The following TRAPPC13 variants were observed in gnomAD, a reference collection of about 807,000 sequenced individuals.
TRAPPC13 encodes trafficking protein particle complex subunit 13.
Under a neutral mutation model 54.0 loss-of-function variants are expected in TRAPPC13, and 39 were observed. That is an observed-to-expected ratio of 0.72 (90% confidence interval 0.56 to 0.94). The LOEUF is 0.94. Among genes scored for constraint, TRAPPC13 ranks in the 40% least tolerant of loss-of-function variants. The pLI is 0.00. For missense variants in TRAPPC13, 386 were observed against 488.1 expected, an observed-to-expected ratio of 0.79 and a Z score of 1.97; for synonymous variants, 148 against 167.7, an observed-to-expected ratio of 0.88 and a Z score of 0.91.
At chr5:65,651,049 G>A (rs1033286341) in intron 6 of TRAPPC13, among the ~76,000 whole-genome samples, 167 bp downstream of exon 6, 2 of 152,124 alleles carry the variant, frequency 1.3e-5, no homozygotes, top group Admixed American at 6.5e-5. Context: ...CTAAATTAAG[G>A]TGAATAAAAG....
intron 4 of TRAPPC13, among the ~76,000 whole-genome samples, chr5:65,641,538 C>A (rs1755963971): frequency 6.6e-6 from 1 of 151,890 alleles, no homozygotes; most frequent in Non-Finnish European, 1.5e-5. Flanking sequence ...TGATCGATGT[C>A]CCTACAAAAA....
At chr5:65,632,740 G>A (rs1188188893) in intron 1 of TRAPPC13, among the ~76,000 whole-genome samples, 1 of 152,214 alleles carries the variant, frequency 6.6e-6, no homozygotes, top group Non-Finnish European at 1.5e-5. Context: ...CCTGGCGCTA[G>A]TAAATGCTCA....
chr5:65,656,737 C>G lies in TRAPPC13; in HGVS notation c.564+1084C>G, dbSNP rs572778759. On this transcript the variant is annotated intron_variant, in intron 8 of 12. Coordinates refer to ENST00000399438, the MANE Select transcript of TRAPPC13 (RefSeq NM_024941.4). The stretch of plus-strand genomic sequence containing the variant: ...CCTGGCCAACATGGTGAAACCTCAT[C>G]TCTATAAAAAATACAAAAATTAGCC... Among the ~76,000 whole-genome samples the G allele has an allele frequency of 2.0e-5, 3 of 151,870 alleles. No homozygotes were observed. In the East Asian group the frequency reaches 5.9e-4, roughly 30 times the overall value.
intron 1 of TRAPPC13, chr5:65,625,386 G>A (rs1218502910): frequency 2.4e-5 from 10 of 415,518 alleles, no homozygotes; most frequent in African/African-American, 4.1e-5. Flanking sequence ...CGCTCCTACC[G>A]TGGAGATCTC....
intron 1 of TRAPPC13, among the ~76,000 whole-genome samples, chr5:65,631,608 T>C (rs1755545552): frequency 6.6e-6 from 1 of 152,212 alleles, no homozygotes; most frequent in African/African-American, 2.4e-5. Context: ...CTCTCACTTA[T>C]GAGAATATGT....
At chr5:65,650,330 T>A (rs1756381360) in intron 5 of TRAPPC13, among the ~76,000 whole-genome samples, 1 of 151,694 alleles carries the variant, frequency 6.6e-6, no homozygotes, top group South Asian at 2.1e-4. Context: ...CCCAGCTAAT[T>A]TTTGTAATTT....
chr5:65,629,612 T>C, intron 1 of TRAPPC13: 1 of 1,534,510 alleles, frequency 6.5e-7, no homozygotes, highest in Non-Finnish European at 8.7e-7. Flanking sequence ...AATATTACAT[T>C]ATCGACCATG....
At chr5:65,651,885 T>C (rs1170090501) in intron 6 of TRAPPC13, among the ~76,000 whole-genome samples, 2 of 117,514 alleles carry the variant, frequency 1.7e-5, no homozygotes, top group Non-Finnish European at 3.4e-5. Context: ...TTTTTTGAGA[T>C]GGCGTTTCAC....
At position 65,634,039 on chromosome 5, in the gene TRAPPC13, A is replaced by G. The variant is rs536145425; in HGVS notation, c.47-1262A>G. The stretch of plus-strand genomic sequence containing the variant: ...CTTGCTCTGTCGCCCAGGCTGGAGT[A>G]CAGTGCCGCAATCTCGGCTCACTGC... On this transcript the variant is annotated intron_variant, in intron 1 of 12. Transcript: ENST00000399438. 1.5e-4 allele frequency among the ~76,000 whole-genome samples: 18 copies of G among 121,044 alleles called. No individual in the cohort carries two copies. In the South Asian group the frequency reaches 4.5e-3, roughly 30 times the overall value. The allele number at this position is 121,044 out of a possible 152,430, so 79.4% of individuals were successfully genotyped here.
At chr5:65,625,207 G>A (rs1755153338) in intron 1 of TRAPPC13, 101 bp downstream of exon 1, 2 of 1,013,208 alleles carry the variant, frequency 2.0e-6, no homozygotes, top group Non-Finnish European at 3.1e-6. Flanking sequence ...AACACTCAGT[G>A]CTCGCCCTCC....
chr5:65,664,451 G>C, intron 12 of TRAPPC13, 53 bp from the exon 13 acceptor site: 1 of 1,598,084 alleles, frequency 6.3e-7, no homozygotes. Flanking sequence ...TGTGATGTCT[G>C]TATTTCCTCT....
At chr5:65,643,528 TG>T (rs754268193) in intron 4 of TRAPPC13, among the ~76,000 whole-genome samples, 16 of 152,054 alleles carry the variant, frequency 1.1e-4, no homozygotes, top group Non-Finnish European at 1.8e-4. Flanking sequence ...TTATAAAGAC[TG>T]CTGTTTCGGC....
Position 65,633,415 on chromosome 5 carries a change from G to A in TRAPPC13, c.47-1886G>A, listed in dbSNP as rs1158790206. Among the ~76,000 whole-genome samples, 7 of 152,124 alleles carry A rather than the reference G, an allele frequency of 4.6e-5. No homozygotes were observed. The East Asian group carries it at 1.4e-3, about 29-fold the overall frequency. ...CTGCCTCAGCCTCTGCGAGTAGCTG[G>A]GACTACAGGCGCCCGCCACCATGCT... is the stretch of plus-strand genomic sequence containing the variant. On this transcript the variant is annotated intron_variant, in intron 1 of 12. Coordinates refer to ENST00000399438, the MANE Select transcript of TRAPPC13 (RefSeq NM_024941.4).
At position 65,660,727 on chromosome 5, in the gene TRAPPC13, T is replaced by A. The variant is rs1390879398; in HGVS notation, c.727T>A (p.Leu243Met). 1 of 1,611,206 alleles carries A rather than the reference T, an allele frequency of 6.2e-7. No individual in the cohort carries two copies. The highest frequency in any genetic ancestry group is 8.5e-7 in the Non-Finnish European group (1 of 1,178,642). The change falls in exon 10 of 13, where the codon TTG (leucine) becomes ATG (methionine). Residue 243 changes from leucine to methionine, a missense_variant. Leu to Met is a conservative substitution (Grantham distance 15). Coordinates refer to ENST00000399438, the MANE Select transcript of TRAPPC13 (RefSeq NM_024941.4). ...CVSTFGSRAY[L>M]QPMDTRQYLY... is the part of the protein sequence containing the mutation. ...GTCTACGTTTGGGTCAAGAGCATAT[T>A]TGCAACCAATGGATACACGCCAGTA...
intron 4 of TRAPPC13, among the ~76,000 whole-genome samples, chr5:65,639,866 A>T (rs981276391): frequency 2.6e-5 from 4 of 152,252 alleles, no homozygotes; most frequent in African/African-American, 9.6e-5. Context: ...AGAAGGTAAG[A>T]ACTCACAGTA....
chr5:65,659,891 A>G (rs777129875), intron 9 of TRAPPC13, among the ~76,000 whole-genome samples: 1 of 150,642 alleles, frequency 6.6e-6, no homozygotes, highest in African/African-American at 2.4e-5. Context: ...TGAGTCCACA[A>G]GTTCAAGGCT....
At chr5:65,656,549 G>A (rs1176269169) in intron 8 of TRAPPC13, among the ~76,000 whole-genome samples, 1 of 151,912 alleles carries the variant, frequency 6.6e-6, no homozygotes, top group Non-Finnish European at 1.5e-5. Flanking sequence ...TTAGATAATA[G>A]TACATTATAT....
At chr5:65,630,306 T>C in intron 1 of TRAPPC13, 1 of 1,529,098 alleles carries the variant, frequency 6.5e-7, no homozygotes, top group Non-Finnish European at 8.8e-7. Context: ...ATTAATTTAT[T>C]TGTGCATAAA....
intron 4 of TRAPPC13, among the ~76,000 whole-genome samples, chr5:65,641,537 T>C (rs1330525936): frequency 6.6e-6 from 1 of 151,916 alleles, no homozygotes; most frequent in Non-Finnish European, 1.5e-5. Flanking sequence ...ATGATCGATG[T>C]CCCTACAAAA....
Sources: allele counts gnomAD v4.1 joint callset (sites outside exome capture counted in the v4.1 genomes callset), GRCh38; gene constraint gnomAD v4.1.1; transcripts MANE v1.5; gene names NCBI Gene and HGNC (gene_info 2026-07-23, HGNC 2026-07-21).